Variants in DNAI4 observed in about 807,000 individuals in gnomAD.
DNAI4 encodes WD repeat domain 78.
Under a neutral mutation model 105.8 loss-of-function variants are expected in DNAI4, and 85 were observed. The ratio of observed to expected loss-of-function variants is 0.80; its 90% CI spans 0.67 to 0.96. The LOEUF is 0.96. DNAI4 is among the 40% of genes least tolerant of loss of function. The pLI, the probability that DNAI4 is intolerant of heterozygous loss-of-function variation, is 0.00. For missense variants in DNAI4, 1,014 were observed against 1,005.6 expected (o/e 1.01, Z -0.11); for synonymous variants, 352 against 331.5 (o/e 1.06, Z -0.67).
At chr1:66,855,696 A>G (rs1177216961) in intron 7 of DNAI4, among the ~76,000 whole-genome samples, 1 of 152,222 alleles carries the variant, frequency 6.6e-6, no homozygotes, top group East Asian at 1.9e-4. Context: ...GCAAAAAACA[A>G]GACTACAAAA....
chr1:66,904,264 T>C (rs1020967757), intron 2 of DNAI4, among the ~76,000 whole-genome samples: 1 of 152,256 alleles, frequency 6.6e-6, no homozygotes, highest in Admixed American at 6.5e-5. Flanking sequence ...GATGATATAG[T>C]AGGTATATTT....
At chr1:66,885,733 T>C (rs978067238) in intron 4 of DNAI4, among the ~76,000 whole-genome samples, 2 of 152,120 alleles carry the variant, frequency 1.3e-5, no homozygotes, top group African/African-American at 4.8e-5. Flanking sequence ...AAAAAATATA[T>C]CCTTATTCTT....
intron 15 of DNAI4, among the ~76,000 whole-genome samples, chr1:66,825,682 A>G (rs1645738570): frequency 6.6e-6 from 1 of 152,210 alleles, no homozygotes; most frequent in Non-Finnish European, 1.5e-5. Flanking sequence ...CAGAAAAATT[A>G]CAATCAGAGG....
rs1557899011 is a variant in DNAI4, at chr1:66,826,946, T to C, written c.2213A>G (p.Lys738Arg). 2.5e-6 allele frequency: 4 copies of C among 1,614,154 alleles called. No homozygotes were observed. Among genetic ancestry groups the C allele is most frequent in the Admixed American group, 1.7e-5 (1 of 60,024 alleles). Reference protein sequence around the residue: ...GVIIWQQENVKPSLSFYPATS... With the variant: ...GVIIWQQENVRPSLSFYPATS... ...AGCTGGATAAAAACTCAAAGATGGC[T>C]TGACATTCTCCTGTTGCCATATAAT... The change falls in exon 15 of 17, where the codon AAG (lysine) becomes AGG (arginine). Residue 738 changes from lysine to arginine, a missense_variant. Physicochemically the swap from Lys to Arg is conservative, Grantham distance 26. Transcript: ENST00000371026.
chr1:66,885,991 C>T (rs570452375), intron 4 of DNAI4, among the ~76,000 whole-genome samples: 10 of 152,224 alleles, frequency 6.6e-5, no homozygotes, highest in African/African-American at 2.2e-4. Context: ...GCATATGTTA[C>T]GCCTTTTGAT....
intron 12 of DNAI4, 38 bp from the exon 13 acceptor site, chr1:66,833,744 C>G: frequency 6.2e-7 from 1 of 1,600,102 alleles, no homozygotes; most frequent in Non-Finnish European, 8.5e-7. Context: ...TTGTTATTTA[C>G]CACATGAAAG....
chr1:66,918,598 A>G (rs569539779), intron 1 of DNAI4, among the ~76,000 whole-genome samples: 2 of 152,164 alleles, frequency 1.3e-5, no homozygotes, highest in Admixed American at 1.3e-4. Flanking sequence ...GCCTATATCA[A>G]TTTTTCCAGG....
At chr1:66,898,639 G>T (rs539204178) in intron 2 of DNAI4, among the ~76,000 whole-genome samples, 3 of 152,268 alleles carry the variant, frequency 2.0e-5, no homozygotes, top group African/African-American at 7.2e-5. Flanking sequence ...CCACTAGCGA[G>T]GAGATCCTCA....
chr1:66,921,525 C>T (rs1199274241), intron 1 of DNAI4: 1 of 152,162 alleles, frequency 6.6e-6, no homozygotes, highest in Non-Finnish European at 1.5e-5. Flanking sequence ...TACTACTTCC[C>T]GTCTCCCACC....
At chr1:66,831,060 A>T (rs928171572) in intron 13 of DNAI4, among the ~76,000 whole-genome samples, 2 of 151,614 alleles carry the variant, frequency 1.3e-5, no homozygotes, top group South Asian at 4.1e-4. Flanking sequence ...TTATGTCAAT[A>T]GATTCCACAA....
At position 66,843,900 on chromosome 1, in the gene DNAI4, C is replaced by T. The variant is rs538292053; in HGVS notation, c.1292-3229G>A. ...TGCCAATAGCATGCTGTCTTGACCA[C>T]GATAGCTTTATACTAAGTCTTGAAA... On this transcript the variant is annotated intron_variant, in intron 8 of 16. Coordinates refer to ENST00000371026, the MANE Select transcript of DNAI4 (RefSeq NM_024763.5). Among the ~76,000 whole-genome samples the T allele has an allele frequency of 1.3e-4, 19 of 151,670 alleles. No individual in the cohort carries two copies. The East Asian group carries it at 1.4e-3, about 11-fold the overall frequency.
In DNAI4 at chr1:66,847,607, G is replaced by A. The variant is rs372600945; in HGVS notation, c.1168C>T (p.His390Tyr). 234 of 1,613,506 alleles carry A rather than the reference G, an allele frequency of 1.5e-4. 4 individuals are homozygous for A. The South Asian group carries it at 2.4e-3, about 17-fold the overall frequency. ...TCAGATTTTAATATTGCATCTGAGT[G>A]GTCTTCCTCATCTTCATGGATTTTT... ...LAKIHEDEED[H>Y]SDAILKSDKF... The change falls in exon 8 of 17, where the codon CAC (histidine) becomes TAC (tyrosine). Residue 390 changes from histidine (H) to tyrosine (Y), a missense_variant. By Grantham distance (83) the His-to-Tyr change is moderately conservative. Transcript: ENST00000371026.
At position 66,814,188 on chromosome 1, in the gene DNAI4, A is replaced by G. The variant is rs751485702; in HGVS notation, c.2497-8T>C. 11 of 1,586,688 alleles carry G rather than the reference A, an allele frequency of 6.9e-6. No homozygotes were observed. The East Asian group carries it at 2.5e-4, about 36-fold the overall frequency. ...AGTATCCATTATATCTCCCTGAAAA[A>G]AAAAAGTCACACAATTACAATGCAA... On this transcript the variant is annotated splice_region_variant and splice_polypyrimidine_tract_variant and intron_variant, in intron 16 of 16. Transcript: ENST00000371026.
At chr1:66,893,057 GAGAGAGAGAAAGAA>G (rs1647905394) in intron 3 of DNAI4, among the ~76,000 whole-genome samples, 158 bp downstream of exon 3, 4 of 91,340 alleles carry the variant, frequency 4.4e-5, no homozygotes, top group Non-Finnish European at 2.3e-5. Flanking sequence ...GAAAGAAAGA[GAGAGAGAGAAAGAA>G]AGAAAGAAAG....
intron 5 of DNAI4, among the ~76,000 whole-genome samples, chr1:66,872,749 A>G (rs1646873905): frequency 6.6e-6 from 1 of 151,994 alleles, no homozygotes; most frequent in East Asian, 1.9e-4. Context: ...TAATAATAAG[A>G]GATGTGGTCT....
intron 4 of DNAI4, among the ~76,000 whole-genome samples, chr1:66,883,066 A>G (rs1357483750): frequency 6.6e-6 from 1 of 151,798 alleles, no homozygotes; most frequent in Non-Finnish European, 1.5e-5. Flanking sequence ...GTTTAATTTC[A>G]AAGTCTAGTA....
intron 2 of DNAI4, among the ~76,000 whole-genome samples, chr1:66,894,550 C>T (rs1483937087): frequency 6.6e-6 from 1 of 151,792 alleles, no homozygotes; most frequent in Non-Finnish European, 1.5e-5. Context: ...TAGACATCTC[C>T]TTAAAAAAAA....
rs1646926790 is a variant in DNAI4 at position 66,874,808 on chromosome 1, A to G, written c.773T>C (p.Val258Ala). ...TACTTTCTCAGCTTCTTCAGATTCT[A>G]CAGAGACCATGACTGTGGGCAAGTC... ...FFDLPTVMVS[V>A]ESEEAEKVTQ... Residue 258 changes from valine (V) to alanine (A), a missense_variant, in exon 5 of 17, where the codon GTA (valine) becomes GCA (alanine). Val to Ala is a moderately conservative substitution (Grantham distance 64). Transcript: ENST00000371026. The G allele has an allele frequency of 6.2e-7, 1 of 1,613,068 alleles. No individual in the cohort carries two copies. The highest frequency in any genetic ancestry group is 1.1e-5 in the South Asian group (1 of 90,880).
intron 10 of DNAI4, among the ~76,000 whole-genome samples, chr1:66,836,926 T>C (rs985766927): frequency 6.6e-5 from 10 of 152,206 alleles, no homozygotes; most frequent in Non-Finnish European, 1.5e-5. Context: ...TTTAGCAAAA[T>C]TACTACTATG....
Sources: gnomAD v4.1 joint callset for allele counts (sites outside exome capture counted in the v4.1 genomes callset) on GRCh38, gnomAD v4.1.1 for gene constraint, MANE v1.5 for transcripts, NCBI Gene and HGNC (gene_info 2026-07-23, HGNC 2026-07-21) for gene names.